Variants in DLGAP1 observed in about 807,000 individuals in gnomAD.
The protein encoded by DLGAP1 is DLG associated protein 1.
In DLGAP1, 11 loss-of-function variants were observed where a neutral mutation model predicts 90.8. The observed-to-expected ratio is 0.12, with a 90% CI of 0.08 to 0.20. The LOEUF (loss-of-function observed/expected upper bound fraction) is 0.20. Among genes scored for constraint, DLGAP1 ranks in the 10% least tolerant of loss-of-function variants. The pLI, the probability that DLGAP1 is intolerant of heterozygous loss-of-function variation, is 1.00. For missense variants in DLGAP1, 1,050 were observed against 1,333.8 expected (o/e 0.79, Z 3.31); for synonymous variants, 558 against 540.7 (o/e 1.03, Z -0.44).
At chr18:4,438,778 C>G (rs569256609) in intron 1 of DLGAP1, among the ~76,000 whole-genome samples, 1 of 152,154 alleles carries the variant, frequency 6.6e-6, no homozygotes, top group African/African-American at 2.4e-5. Flanking sequence ...CATTTATAAA[C>G]TCATTCCACT....
intron 1 of DLGAP1, among the ~76,000 whole-genome samples, chr18:4,272,828 C>T (rs517813): frequency 0.18 from 27,914 of 152,050 alleles, 3,285 homozygotes; most frequent in African/African-American, 0.34. Flanking sequence ...TTAGTTATAA[C>T]GAGATCACAC....
In DLGAP1 at chr18:3,934,175, CCTTCTTCATTCATTTT is replaced by C. The variant is rs1249152979; in HGVS notation, c.-72-54051_-72-54036del. On this transcript the variant is annotated intron_variant, in intron 3 of 12. Transcript: ENST00000315677. Reference sequence around the variant, plus strand: ...CAAAGTACAGCCTTTTCCCTTAAAGCCTTCTTCATTCATTTTAATTAGTGACCACAGCCACGACACT... The same window carrying C: ...CAAAGTACAGCCTTTTCCCTTAAAGCAATTAGTGACCACAGCCACGACACT... 8.5e-5 allele frequency among the ~76,000 whole-genome samples: 13 copies of C among 152,154 alleles called. 2 individuals are homozygous for C. Among genetic ancestry groups the C allele is most frequent in the African/African-American group, 3.1e-4 (13 of 41,502 alleles).
At chr18:3,550,561 G>T (rs759919070) in intron 9 of DLGAP1, among the ~76,000 whole-genome samples, 75 of 151,994 alleles carry the variant, frequency 4.9e-4, no homozygotes, top group Non-Finnish European at 8.8e-4. Context: ...GGCCCCAAGG[G>T]TGGGCTCTAA....
At chr18:3,716,882 A>G (rs1432196629) in intron 7 of DLGAP1, among the ~76,000 whole-genome samples, 1 of 151,772 alleles carries the variant, frequency 6.6e-6, no homozygotes, top group Non-Finnish European at 1.5e-5. Context: ...TAATCCCAGC[A>G]CTTTGGGAGG....
chr18:4,204,514 T>TG (rs1568449371), intron 1 of DLGAP1, among the ~76,000 whole-genome samples: 1 of 148,252 alleles, frequency 6.7e-6, no homozygotes, highest in Non-Finnish European at 1.5e-5. Flanking sequence ...TGTGGTTTTT[T>TG]TTTTGTTTTT....
At chr18:3,780,938 T>C (rs190408544) in intron 5 of DLGAP1, among the ~76,000 whole-genome samples, 328 of 152,236 alleles carry the variant, frequency 2.2e-3, no homozygotes, top group African/African-American at 7.8e-3. Context: ...GTCTCCCAAG[T>C]AGCTAGGACT....
chr18:3,625,420 G>A (rs1046225009), intron 7 of DLGAP1, among the ~76,000 whole-genome samples: 3 of 152,280 alleles, frequency 2.0e-5, no homozygotes, highest in Middle Eastern at 3.4e-3. Flanking sequence ...TGTGTGTGAA[G>A]TTCTTCAAGG....
intron 9 of DLGAP1, among the ~76,000 whole-genome samples, chr18:3,562,220 C>T: frequency 6.6e-6 from 1 of 151,932 alleles, no homozygotes; most frequent in Non-Finnish European, 1.5e-5. Flanking sequence ...AGAGCAAAAA[C>T]TCCGTCTCAA....
intron 6 of DLGAP1, among the ~76,000 whole-genome samples, chr18:3,735,298 C>A (rs113730132): frequency 0.13 from 19,643 of 152,260 alleles, 1,663 homozygotes; most frequent in Non-Finnish European, 0.18. Context: ...TGGCTCACTG[C>A]AACCTCTGCC....
At chr18:4,066,719 C>T (rs2075374641) in intron 2 of DLGAP1, among the ~76,000 whole-genome samples, 1 of 152,050 alleles carries the variant, frequency 6.6e-6, no homozygotes, top group Admixed American at 6.6e-5. Context: ...GACTTTTACA[C>T]TGTTGGGGGG....
At chr18:4,204,829 T>C (rs556792879) in intron 1 of DLGAP1, among the ~76,000 whole-genome samples, 9 of 152,210 alleles carry the variant, frequency 5.9e-5, no homozygotes, top group African/African-American at 1.7e-4. Context: ...AAAAGACTTA[T>C]ATGCACGGAA....
intron 5 of DLGAP1, among the ~76,000 whole-genome samples, chr18:3,778,795 G>A (rs1028804476): frequency 1.3e-5 from 2 of 152,180 alleles, no homozygotes; most frequent in African/African-American, 4.8e-5. Flanking sequence ...TGGCCAGGAA[G>A]CAAATGGATA....
chr18:4,303,450 C>A (rs532374448), intron 1 of DLGAP1, among the ~76,000 whole-genome samples: 2 of 152,262 alleles, frequency 1.3e-5, no homozygotes, highest in South Asian at 4.1e-4. Flanking sequence ...CCCCCACAAA[C>A]CTCCCTCTGG....
intron 7 of DLGAP1, among the ~76,000 whole-genome samples, chr18:3,697,402 T>C (rs1055147476): frequency 1.3e-5 from 2 of 152,208 alleles, no homozygotes; most frequent in Admixed American, 6.5e-5. Flanking sequence ...TTTGTTCTCA[T>C]TGGCTTCAAA....
intron 1 of DLGAP1, among the ~76,000 whole-genome samples, chr18:4,352,967 C>G (rs2081431853): frequency 1.3e-5 from 2 of 151,326 alleles, no homozygotes; most frequent in African/African-American, 4.8e-5. Flanking sequence ...AGATGGTCCT[C>G]ACTCCCGAAA....
At chr18:3,883,018 C>T (rs1371182738) in intron 3 of DLGAP1, among the ~76,000 whole-genome samples, 4 of 152,094 alleles carry the variant, frequency 2.6e-5, no homozygotes, top group East Asian at 1.9e-4. Context: ...CCGAGGCAGG[C>T]GAATCACCTG....
intron 3 of DLGAP1, among the ~76,000 whole-genome samples, chr18:3,904,226 C>T (rs1340774180): frequency 2.6e-5 from 4 of 152,210 alleles, no homozygotes; most frequent in Non-Finnish European, 5.9e-5. Flanking sequence ...TTACCCAGAA[C>T]AAGGGCCAAA....
At chr18:3,561,095 C>A (rs951036383) in intron 9 of DLGAP1, among the ~76,000 whole-genome samples, 1 of 150,162 alleles carries the variant, frequency 6.7e-6, no homozygotes, top group Admixed American at 6.6e-5. Context: ...CTATTTTGAA[C>A]AAACTTATCT....
At chr18:4,338,650 T>C (rs1430851332) in intron 1 of DLGAP1, among the ~76,000 whole-genome samples, 1 of 152,186 alleles carries the variant, frequency 6.6e-6, no homozygotes, top group Non-Finnish European at 1.5e-5. Context: ...GTACATTCTT[T>C]GTATGGCAAG....
Sources: allele counts gnomAD v4.1 joint callset (sites outside exome capture counted in the v4.1 genomes callset), GRCh38; gene constraint gnomAD v4.1.1; transcripts MANE v1.5; gene names NCBI Gene and HGNC (gene_info 2026-07-23, HGNC 2026-07-21).